The following ARHGAP9 variants were observed in gnomAD, a reference collection of about 807,000 sequenced individuals.
The protein encoded by ARHGAP9 is rho GTPase-activating protein 9.
Under a neutral mutation model 87.3 loss-of-function variants are expected in ARHGAP9, and 76 were observed. That is an observed-to-expected ratio of 0.87 (90% CI 0.72 to 1.05). The LOEUF (loss-of-function observed/expected upper bound fraction) is 1.05. Ranked by LOEUF, ARHGAP9 falls within the 50% of genes least tolerant of loss-of-function variation. ARHGAP9 has a pLI of 0.00. For missense variants in ARHGAP9, 941 were observed against 960.5 expected (o/e 0.98, Z 0.27); for synonymous variants, 382 against 394.9 (o/e 0.97, Z 0.39).
In ARHGAP9 at chr12:57,472,589, TG is replaced by T; in HGVS notation, c.2123del (p.Pro708GlnfsTer14). ...GCCCTGGGTAGAGAGCATGGGCTGC[TG>T]GGTCAGATGTCTCCTGCTCTGGCCG... ...LFRPEQETSDPAAHALYPGQL... is the reference protein window; with the variant it reads ...LFRPEQETSDXAAHALYPGQL... On this transcript the variant is annotated frameshift_variant, in exon 18 of 18. Coordinates refer to ENST00000393791, the MANE Select transcript of ARHGAP9 (RefSeq NM_032496.4). LOFTEE classifies it high-confidence loss of function. 1.2e-6 allele frequency: 2 copies of T among 1,614,234 alleles called. No individual in the cohort carries two copies. The highest frequency in any genetic ancestry group is 1.7e-6 in the Non-Finnish European group (2 of 1,180,046).
chr12:57,475,253 G>C, intron 12 of ARHGAP9, 38 bp downstream of exon 12: 1 of 1,540,346 alleles, frequency 6.5e-7, no homozygotes, highest in Non-Finnish European at 8.8e-7. Context: ...AGCCTCGCTG[G>C]AGTTTTCTTA....
chr12:57,474,425 T>C lies in ARHGAP9; in HGVS notation c.1781A>G (p.Gln594Arg). 1 of 1,614,162 alleles carries C rather than the reference T, an allele frequency of 6.2e-7. No individual in the cohort carries two copies. Among genetic ancestry groups the C allele is most frequent in the African/African-American group, 1.3e-5 (1 of 75,044 alleles). Residue 594 changes from glutamine (Q) to arginine (R), a missense_variant and splice_region_variant, in exon 15 of 18, where the codon CAA (glutamine) becomes CGA (arginine). Physicochemically the swap from Gln to Arg is conservative, Grantham distance 43. Coordinates refer to ENST00000393791, the MANE Select transcript of ARHGAP9 (RefSeq NM_032496.4). ...TGAAGGGTCTTCCATGTAAGTACCT[T>C]GTCCTGGCTGTTCTGGGAACACATA... ...GRYVFPEQPG[Q>R]EGRLDLDSTE...
At chr12:57,479,704 T>C (rs755787933) in intron 1 of ARHGAP9, 26 bp downstream of exon 1, 2 of 1,550,796 alleles carry the variant, frequency 1.3e-6, no homozygotes, top group Non-Finnish European at 1.7e-6. Context: ...GGAGATGACC[T>C]AGGCCAGTAG....
intron 16 of ARHGAP9, 54 bp downstream of exon 16, chr12:57,473,988 T>C: frequency 1.9e-6 from 3 of 1,563,894 alleles, no homozygotes; most frequent in Admixed American, 1.9e-5. Flanking sequence ...TATTCTATTA[T>C]TTACCACCCG....
rs755020368 is a variant in ARHGAP9 at position 57,476,935 on chromosome 12, G to A, written c.899C>T (p.Ser300Leu). 11 of 1,613,908 alleles carry A rather than the reference G, an allele frequency of 6.8e-6. No homozygotes were observed. Among genetic ancestry groups the A allele is most frequent in the South Asian group, 4.4e-5 (4 of 91,072 alleles). ...QGSLSLSQRTSQLDPPALQAP... is the reference protein window; with the variant it reads ...QGSLSLSQRTLQLDPPALQAP... ...CTGCAAGGCTGGAGGGTCAAGCTGCGAGGTGCGTTGGCTGAGGCTGAGTGA... is the reference window on the plus strand; with the variant it reads ...CTGCAAGGCTGGAGGGTCAAGCTGCAAGGTGCGTTGGCTGAGGCTGAGTGA... The change falls in exon 6 of 18, where the codon TCG (serine) becomes TTG (leucine). Residue 300 changes from serine to leucine, a missense_variant. Coordinates refer to ENST00000393791, the MANE Select transcript of ARHGAP9 (RefSeq NM_032496.4).
At chr12:57,475,462 C>T in intron 11 of ARHGAP9, 21 bp downstream of exon 11, 5 of 1,583,910 alleles carry the variant, frequency 3.2e-6, no homozygotes, top group Non-Finnish European at 4.3e-6. Context: ...CCGGACTCTC[C>T]CTCCCCAGCC....
Position 57,478,734 on chromosome 12 carries a change from G to T in ARHGAP9, c.340C>A (p.Leu114Met). 1 of 1,610,524 alleles carries T rather than the reference G, an allele frequency of 6.2e-7. No homozygotes were observed. Among genetic ancestry groups the T allele is most frequent in the Non-Finnish European group, 8.5e-7 (1 of 1,177,442 alleles). The change falls in exon 3 of 18, where the codon CTG becomes ATG. Residue 114 changes from leucine to methionine, a missense_variant. Leu to Met is a conservative substitution (Grantham distance 15, BLOSUM62 2). Coordinates refer to ENST00000393791, the MANE Select transcript of ARHGAP9 (RefSeq NM_032496.4). ...GGGAGGGCCTGAGACAACTCCTCCAGGGAACCATGAAACAACTTCGGCCCT... is the reference window on the plus strand; with the variant it reads ...GGGAGGGCCTGAGACAACTCCTCCATGGAACCATGAAACAACTTCGGCCCT... ...TPGPKLFHGS[L>M]EELSQALPSR...
chr12:57,479,950 G>T, upstream of ARHGAP9: 1 of 1,403,118 alleles, frequency 7.1e-7, no homozygotes, highest in East Asian at 2.8e-5. Context: ...CCATAGCTGC[G>T]TGCTTCCTGT....
At chr12:57,482,719 A>C (rs919443108), upstream of ARHGAP9, among the ~76,000 whole-genome samples, 1 of 152,128 alleles carries the variant, frequency 6.6e-6, no homozygotes, top group Non-Finnish European at 1.5e-5. Flanking sequence ...TAAATAAATA[A>C]AATAATTTAA....
chr12:57,477,648 A>G lies in ARHGAP9; in HGVS notation c.567T>C (p.Pro189=). The change falls in exon 4 of 18, where the codon CCT becomes CCC. Residue 189 remains proline, a synonymous_variant. Coordinates refer to ENST00000393791, the MANE Select transcript of ARHGAP9 (RefSeq NM_032496.4). ...GAAGGTCCACCAGGTTACAGTACACAGGGGGCTCTGACATGAGGGGCTGGG... is the reference window on the plus strand; with the variant it reads ...GAAGGTCCACCAGGTTACAGTACACGGGGGGCTCTGACATGAGGGGCTGGG... The part of the protein sequence containing the change: ...AGPQPLMSEP[P]VYCNLVDLRR... 1 of 1,612,798 alleles carries G rather than the reference A, an allele frequency of 6.2e-7. No individual in the cohort carries two copies. The highest frequency in any genetic ancestry group is 8.5e-7 in the Non-Finnish European group (1 of 1,179,516).
chr12:57,485,182 G>T (rs995240304), intron 1 of ARHGAP9, among the ~76,000 whole-genome samples: 3 of 151,706 alleles, frequency 2.0e-5, no homozygotes, highest in African/African-American at 7.3e-5. Context: ...CCTGACCTCA[G>T]GTGATTTGTC....
Position 57,477,140 on chromosome 12 carries a change from A to G in ARHGAP9, c.870+16T>C. 2 of 1,612,324 alleles carry G rather than the reference A, an allele frequency of 1.2e-6. No individual in the cohort carries two copies. The highest frequency in any genetic ancestry group is 1.7e-6 in the Non-Finnish European group (2 of 1,178,532). On this transcript the variant is annotated intron_variant, in intron 5 of 17. Coordinates refer to ENST00000393791, the MANE Select transcript of ARHGAP9 (RefSeq NM_032496.4). ...GGCTTTTTCTGCATGTGACTGGGAG[A>G]TGGGAGGGATCTCACCTGTGGGTCA...
chr12:57,486,350 A>G (rs904445572), intron 1 of ARHGAP9, among the ~76,000 whole-genome samples: 1 of 151,414 alleles, frequency 6.6e-6, no homozygotes, highest in Non-Finnish European at 1.5e-5. Context: ...GCTCACTGCA[A>G]CCTCTGCCTC....
Position 57,472,296 on chromosome 12 carries a change from T to G in ARHGAP9, c.*221A>C. ...CCATGCCACTTTATGTATTATTATG[T>G]TGGGGAGGAATGATAACAGGGAACA... is the stretch of plus-strand genomic sequence containing the variant. On this transcript the variant is annotated 3_prime_UTR_variant, in exon 18 of 18. Transcript: ENST00000393791. 1.6e-6 allele frequency: 1 copy of G among 618,048 alleles called. No individual in the cohort carries two copies. Among genetic ancestry groups the G allele is most frequent in the Non-Finnish European group, 2.7e-6 (1 of 365,972 alleles). The allele number at this position is 618,048 out of a possible 1,614,324, so 38.3% of individuals were successfully genotyped here.
chr12:57,480,766 C>T, upstream of ARHGAP9: 1 of 1,549,942 alleles, frequency 6.5e-7, no homozygotes. Flanking sequence ...CACACTTCTG[C>T]TTCTGCCTTA....
upstream of ARHGAP9, chr12:57,483,901 G>C: frequency 2.2e-6 from 1 of 454,070 alleles, no homozygotes; most frequent in Non-Finnish European, 4.4e-6. Flanking sequence ...TTACCTGGGT[G>C]TGCTGGCCCA....
In ARHGAP9 at chr12:57,475,477, C is replaced by T; in HGVS notation, c.1444+6G>A. The T allele has an allele frequency of 6.3e-7, 1 of 1,594,448 alleles. No homozygotes were observed. The highest frequency in any genetic ancestry group is 8.5e-7 in the Non-Finnish European group (1 of 1,171,606). On this transcript the variant is annotated splice_donor_region_variant and intron_variant, in intron 11 of 17. Transcript: ENST00000393791. ...CCGGACTCTCCCTCCCCAGCCCGCGCCTCACTGGAGCTCCGGCGGCTGCTG... is the reference window on the plus strand; with the variant it reads ...CCGGACTCTCCCTCCCCAGCCCGCGTCTCACTGGAGCTCCGGCGGCTGCTG...
In ARHGAP9 at chr12:57,473,622, G is replaced by A. The variant is rs760469593; in HGVS notation, c.2005C>T (p.Leu669Phe). 4 of 1,613,576 alleles carry A rather than the reference G, an allele frequency of 2.5e-6. No individual in the cohort carries two copies. The highest frequency in any genetic ancestry group is 3.4e-6 in the Non-Finnish European group (4 of 1,179,654). The change falls in exon 17 of 18, where the codon CTC becomes TTC. Residue 669 changes from leucine to phenylalanine, a missense_variant. By Grantham distance (22) the Leu-to-Phe change is conservative. Coordinates refer to ENST00000393791, the MANE Select transcript of ARHGAP9 (RefSeq NM_032496.4). ...PKPNHDTLRY[L>F]LEHLCRVIAH... ...CCTGACCTGCATAAATGCTCCAGGA[G>A]GTACCGTAGAGTGTCATGGTTGGGC...
intron 16 of ARHGAP9, 113 bp from the exon 17 acceptor site, chr12:57,473,821 C>T (rs1023926908): frequency 2.5e-6 from 3 of 1,203,576 alleles, no homozygotes; most frequent in African/African-American, 3.1e-5. Context: ...TAATCTAGCA[C>T]AGCTTTCTTT....
Sources: gnomAD v4.1 joint callset for allele counts (sites outside exome capture counted in the v4.1 genomes callset) on GRCh38, gnomAD v4.1.1 for gene constraint, MANE v1.5 for transcripts, NCBI Gene and HGNC (gene_info 2026-07-23, HGNC 2026-07-21) for gene names.